ZCCHC2: variants seen among roughly 807,000 people sequenced by gnomAD.
ZCCHC2 encodes zinc finger CCHC-type containing 2.
Under a neutral mutation model 103.6 loss-of-function variants are expected in ZCCHC2, and 39 were observed. The observed-to-expected ratio is 0.38, with a 90% CI of 0.29 to 0.49. The LOEUF (loss-of-function observed/expected upper bound fraction) is 0.49. Among genes scored for constraint, ZCCHC2 ranks in the 20% least tolerant of loss-of-function variants. The pLI, the probability that ZCCHC2 is intolerant of heterozygous loss-of-function variation, is 0.96. For missense variants in ZCCHC2, 1,483 were observed against 1,491.0 expected (o/e 0.99, Z 0.09); for synonymous variants, 687 against 608.9 (o/e 1.13, Z -1.89).
chr18:62,582,925 G>A (rs559586290), downstream of ZCCHC2, among the ~76,000 whole-genome samples: 7 of 152,022 alleles, frequency 4.6e-5, no homozygotes, highest in East Asian at 1.2e-3. Context: ...GCAACATGAC[G>A]AAACCCCATC....
At position 62,576,791 on chromosome 18, in the gene ZCCHC2, A is replaced by C. The variant is rs547114095; in HGVS notation, c.*212A>C. On this transcript the variant is annotated 3_prime_UTR_variant, in exon 14 of 14. Transcript: ENST00000269499. ...TCTCCTGGTTCAACAACAGGCTTAT[A>C]TGTATGATACATGTAATTTAAACCT... The C allele has an allele frequency of 1.2e-5, 6 of 490,680 alleles. No individual in the cohort carries two copies. The South Asian group carries it at 1.2e-4, about 10-fold the overall frequency. 30.4% of individuals were successfully genotyped at this position (490,680 alleles called of 1,614,324 possible).
downstream of ZCCHC2, among the ~76,000 whole-genome samples, chr18:62,580,258 G>A (rs918963299): frequency 2.6e-5 from 4 of 152,080 alleles, no homozygotes; most frequent in African/African-American, 9.7e-5. Flanking sequence ...TCTCCATTCT[G>A]TCAATGGACA....
At chr18:62,544,520 T>C (rs1915331323) in intron 3 of ZCCHC2, among the ~76,000 whole-genome samples, 1 of 152,208 alleles carries the variant, frequency 6.6e-6, no homozygotes, top group African/African-American at 2.4e-5. Flanking sequence ...AAATAACATA[T>C]ATCCCCTTTC....
intron 7 of ZCCHC2, among the ~76,000 whole-genome samples, chr18:62,559,876 GTCATTCTCTAAACAAT>G (rs1916043589): frequency 6.6e-6 from 1 of 152,146 alleles, no homozygotes; most frequent in Non-Finnish European, 1.5e-5. Context: ...TCTTTTTCTT[GTCATTCTCTAAACAAT>G]ACAGCATAAC....
intron 1 of ZCCHC2, chr18:62,527,104 C>T (rs907359613): frequency 7.0e-6 from 1 of 143,344 alleles, no homozygotes; most frequent in Non-Finnish European, 1.5e-5. Context: ...AAGTGAAGCT[C>T]TTTGGTGTGC....
chr18:62,580,112 A>G (rs1009527977), downstream of ZCCHC2, among the ~76,000 whole-genome samples: 1 of 152,124 alleles, frequency 6.6e-6, no homozygotes, highest in Admixed American at 6.5e-5. Flanking sequence ...TGAGCTTTAT[A>G]AGGGTATCCT....
Position 62,523,564 on chromosome 18 carries a change from C to CGCT in ZCCHC2, c.142_143insTGC (p.Pro47_Pro48insLeu), listed in dbSNP as rs1477407203. ...CGCGACTGCCGCCCCCCGCCGCCGC[C>CGCT]GCCGCCGCCCGCGGGCCCGTCGCGG... is the stretch of plus-strand genomic sequence containing the variant. On this transcript the variant is annotated inframe_insertion, in exon 1 of 14. Coordinates refer to ENST00000269499, the MANE Select transcript of ZCCHC2 (RefSeq NM_017742.6). The CGCT allele has an allele frequency of 1.8e-5, 17 of 959,516 alleles. No homozygotes were observed. Among genetic ancestry groups the CGCT allele is most frequent in the Non-Finnish European group, 2.1e-5 (17 of 810,140 alleles). 59.4% of individuals were successfully genotyped at this position (959,516 alleles called of 1,614,324 possible). A position where few individuals can be genotyped will look rare whatever the true frequency, so the allele number is the denominator to read the frequency against.
rs1916854362 is a variant in ZCCHC2 at position 62,576,610 on chromosome 18, CAA to C, written c.*32_*33del. On this transcript the variant is annotated 3_prime_UTR_variant, in exon 14 of 14. Transcript: ENST00000269499. ...GTAAAGCTTGCCTACTTAATACACT[CAA>C]GTGTGGGGAGTCATGGGGTGTGGAG... The C allele has an allele frequency of 6.3e-7, 1 of 1,597,080 alleles. No homozygotes were observed. Among genetic ancestry groups the C allele is most frequent in the Non-Finnish European group, 8.6e-7 (1 of 1,165,538 alleles).
chr18:62,536,251 AG>A (rs1271608726), intron 1 of ZCCHC2, among the ~76,000 whole-genome samples: 17 of 152,360 alleles, frequency 1.1e-4, no homozygotes, highest in African/African-American at 3.8e-4. Flanking sequence ...GGCAAGCGAT[AG>A]GACAGAAGAA....
chr18:62,531,346 C>G (rs180900691), intron 1 of ZCCHC2, among the ~76,000 whole-genome samples: 1 of 152,162 alleles, frequency 6.6e-6, no homozygotes, highest in Non-Finnish European at 1.5e-5. Context: ...CCTATGCTCT[C>G]GGGAACATTT....
intron 1 of ZCCHC2, among the ~76,000 whole-genome samples, chr18:62,532,356 C>A (rs183912388): frequency 9.8e-5 from 15 of 152,340 alleles, no homozygotes; most frequent in African/African-American, 3.6e-4. Flanking sequence ...TGCCTGACAC[C>A]GTTCTCTGTT....
chr18:62,539,426 A>G, intron 1 of ZCCHC2: 1 of 338,696 alleles, frequency 3.0e-6, no homozygotes, highest in Non-Finnish European at 5.5e-6. Context: ...CAGAATTGAC[A>G]TCATTGGCAA....
chr18:62,579,669 C>T (rs1299331802), downstream of ZCCHC2, among the ~76,000 whole-genome samples: 1 of 152,154 alleles, frequency 6.6e-6, no homozygotes, highest in East Asian at 1.9e-4. Context: ...AGCTATCCCT[C>T]CCTCCCCTTC....
downstream of ZCCHC2, among the ~76,000 whole-genome samples, chr18:62,583,252 T>C (rs1355515957): frequency 2.0e-5 from 3 of 152,192 alleles, no homozygotes; most frequent in Non-Finnish European, 2.9e-5. Flanking sequence ...ATGAACGATA[T>C]AGAAGCTATT....
At chr18:62,583,101 C>CT (rs1218526835), downstream of ZCCHC2, among the ~76,000 whole-genome samples, 613 of 149,928 alleles carry the variant, frequency 4.1e-3, 3 homozygotes, top group African/African-American at 0.014. Context: ...GAGACCGTGT[C>CT]TTTTTTTTTT....
At chr18:62,561,551 A>G (rs1260276243) in intron 8 of ZCCHC2, among the ~76,000 whole-genome samples, 8 of 152,220 alleles carry the variant, frequency 5.3e-5, no homozygotes, top group African/African-American at 1.7e-4. Context: ...GGGAGGGCCC[A>G]GAAGCTCGGA....
chr18:62,557,097 A>G (rs1187545353), intron 6 of ZCCHC2, among the ~76,000 whole-genome samples: 1 of 152,152 alleles, frequency 6.6e-6, no homozygotes, highest in African/African-American at 2.4e-5. Flanking sequence ...CCCAGCTGAA[A>G]CATCACCTCT....
chr18:62,539,430 T>C (rs1915075454), intron 1 of ZCCHC2: 3 of 345,850 alleles, frequency 8.7e-6, no homozygotes, highest in South Asian at 4.1e-5. Context: ...ATTGACATCA[T>C]TGGCAACTCT....
At chr18:62,527,015 G>T (rs953790785) in intron 1 of ZCCHC2, 1 of 15,568 alleles carries the variant, frequency 6.4e-5, no homozygotes, top group African/African-American at 2.0e-4. Context: ...CATTTCCCCC[G>T]CCCCCCCCCC....
Sources: allele counts gnomAD v4.1 joint callset (sites outside exome capture counted in the v4.1 genomes callset), GRCh38; gene constraint gnomAD v4.1.1; transcripts MANE v1.5; gene names NCBI Gene and HGNC (gene_info 2026-07-23, HGNC 2026-07-21).